Variants in GALNT13 observed in about 807,000 individuals in gnomAD.
GALNT13 encodes UDP-GalNAc:polypeptide N-acetylgalactosaminyltransferase 13.
A neutral mutation model predicts 64.2 loss-of-function variants in GALNT13; 28 were observed. The observed-to-expected ratio is 0.44, with a 90% CI of 0.32 to 0.60. GALNT13 has a LOEUF of 0.60. Among genes scored for constraint, GALNT13 ranks in the 20% least tolerant of loss-of-function variants. The pLI is 0.05. For missense variants in GALNT13, 577 were observed against 669.8 expected, an observed-to-expected ratio of 0.86 and a Z score of 1.53; for synonymous variants, 214 against 224.6, an observed-to-expected ratio of 0.95 and a Z score of 0.42.
chr2:153,595,160 T>G, the GALNT13 span, among the ~76,000 whole-genome samples: 1 of 151,698 alleles, frequency 6.6e-6, no homozygotes, highest in African/African-American at 2.4e-5. Context: ...TATTTTAGAG[T>G]TGGTAATAAA....
chr2:153,364,728 A>G, the GALNT13 span, among the ~76,000 whole-genome samples: 2 of 152,208 alleles, frequency 1.3e-5, no homozygotes, highest in South Asian at 2.1e-4. Context: ...GCTCAAGAAA[A>G]TAAGAGAGGA....
chr2:153,947,055 T>C (rs1462274484), intron 3 of GALNT13, among the ~76,000 whole-genome samples: 1 of 151,930 alleles, frequency 6.6e-6, no homozygotes, highest in Non-Finnish European at 1.5e-5. Context: ...AAAGCAAAGG[T>C]TTTGGAGTAG....
At chr2:153,684,793 C>G in the GALNT13 span, among the ~76,000 whole-genome samples, 1 of 151,694 alleles carries the variant, frequency 6.6e-6, no homozygotes, top group Non-Finnish European at 1.5e-5. Flanking sequence ...TCCTGATCCT[C>G]TACTGCCTCC....
the GALNT13 span, among the ~76,000 whole-genome samples, chr2:153,209,527 G>A: frequency 3.3e-5 from 5 of 152,166 alleles, no homozygotes; most frequent in East Asian, 7.7e-4. Context: ...TGAGCTATGT[G>A]CTTATCTTTA....
At chr2:153,174,430 G>A in the GALNT13 span, among the ~76,000 whole-genome samples, 1 of 151,098 alleles carries the variant, frequency 6.6e-6, no homozygotes, top group South Asian at 2.1e-4. Context: ...CAGTTTTCCA[G>A]CAATAACATT....
intron 4 of GALNT13, among the ~76,000 whole-genome samples, chr2:154,208,602 A>G (rs969457746): frequency 2.1e-5 from 3 of 143,958 alleles, no homozygotes; most frequent in African/African-American, 5.2e-5. Flanking sequence ...GCCTTGTCTT[A>G]TTTTAATCAC....
At chr2:153,145,275 A>C in the GALNT13 span, among the ~76,000 whole-genome samples, 1 of 151,970 alleles carries the variant, frequency 6.6e-6, no homozygotes, top group African/African-American at 2.4e-5. Flanking sequence ...AAATAGAACA[A>C]AGCAAAATTT....
intron 3 of GALNT13, among the ~76,000 whole-genome samples, chr2:154,042,271 T>C (rs1042973299): frequency 2.1e-5 from 3 of 139,844 alleles, no homozygotes; most frequent in African/African-American, 7.3e-5. Context: ...CCAGTAATTA[T>C]AGTTTTGTGT....
At chr2:153,319,241 A>G in the GALNT13 span, among the ~76,000 whole-genome samples, 1 of 152,224 alleles carries the variant, frequency 6.6e-6, no homozygotes. Flanking sequence ...TATAAACTAC[A>G]AATGACTGTG....
rs115676866 is a variant in GALNT13 at position 154,400,647 on chromosome 2, A to G, written c.1296+4517A>G. On this transcript the variant is annotated intron_variant, in intron 10 of 12. Coordinates refer to ENST00000392825, the MANE Select transcript of GALNT13 (RefSeq NM_052917.4). ...TATTACTTTATCCAGCCCATGAATT[A>G]CATGCAGTTTCCAATGGGAAGTTAA... Among the ~76,000 whole-genome samples the G allele has an allele frequency of 6.3e-3, 961 of 152,294 alleles. 13 individuals carry two copies. Among genetic ancestry groups the G allele is most frequent in the South Asian group, 0.043 (206 of 4,830 alleles).
chr2:153,260,121 T>C, the GALNT13 span, among the ~76,000 whole-genome samples: 2 of 152,220 alleles, frequency 1.3e-5, no homozygotes, highest in Non-Finnish European at 2.9e-5. Context: ...TCCCTCCACT[T>C]TTTAACTTTT....
At chr2:153,748,067 A>C in the GALNT13 span, among the ~76,000 whole-genome samples, 5 of 152,116 alleles carry the variant, frequency 3.3e-5, no homozygotes, top group African/African-American at 1.2e-4. Context: ...TTGGTGCAAA[A>C]GTAATTGTAG....
intron 2 of GALNT13, among the ~76,000 whole-genome samples, chr2:153,914,920 G>A (rs77854082): frequency 6.6e-6 from 1 of 152,224 alleles, no homozygotes; most frequent in East Asian, 1.9e-4. Flanking sequence ...GGACAGGAGG[G>A]TGCCTGGATC....
intron 8 of GALNT13, among the ~76,000 whole-genome samples, chr2:154,277,153 C>T (rs574330012): frequency 6.6e-6 from 1 of 152,256 alleles, no homozygotes; most frequent in South Asian, 2.1e-4. Context: ...TAAAGCATTA[C>T]ATGTGTATCT....
chr2:153,660,110 G>A, the GALNT13 span, among the ~76,000 whole-genome samples: 3 of 152,234 alleles, frequency 2.0e-5, no homozygotes, highest in South Asian at 4.1e-4. Flanking sequence ...CAGTTGGAAA[G>A]AAATGCTTTG....
chr2:153,447,732 A>G, the GALNT13 span, among the ~76,000 whole-genome samples: 1 of 152,200 alleles, frequency 6.6e-6, no homozygotes, highest in Non-Finnish European at 1.5e-5. Context: ...TGTAATATAA[A>G]TTATGACCTA....
At chr2:153,416,979 T>C in the GALNT13 span, among the ~76,000 whole-genome samples, 4 of 152,116 alleles carry the variant, frequency 2.6e-5, no homozygotes, top group Non-Finnish European at 5.9e-5. Flanking sequence ...ATGAGTGATA[T>C]GGAGACAAAT....
intron 4 of GALNT13, among the ~76,000 whole-genome samples, chr2:154,142,836 G>GTA (rs1320627610): frequency 2.0e-5 from 3 of 151,346 alleles, no homozygotes; most frequent in Non-Finnish European, 4.4e-5. Flanking sequence ...GTGTGTGTGT[G>GTA]TGTATATATA....
intron 2 of GALNT13, among the ~76,000 whole-genome samples, chr2:153,917,593 T>C (rs147687259): frequency 6.6e-6 from 1 of 152,274 alleles, no homozygotes; most frequent in East Asian, 1.9e-4. Context: ...ATAACAATGA[T>C]GTTATAAGTA....
Sources: gnomAD v4.1 joint callset for allele counts (sites outside exome capture counted in the v4.1 genomes callset) on GRCh38, gnomAD v4.1.1 for gene constraint, MANE v1.5 for transcripts, NCBI Gene and HGNC (gene_info 2026-07-23, HGNC 2026-07-21) for gene names.